The following BTC variants were observed in gnomAD, a reference collection of about 807,000 sequenced individuals.
BTC encodes the protein probetacellulin.
BTC carries 13 observed loss-of-function variants against 18.1 expected under a neutral mutation model. The ratio of observed to expected loss-of-function variants is 0.72; its 90% CI spans 0.47 to 1.14. The LOEUF is 1.14. Among genes scored for constraint, BTC ranks in the 50% most tolerant of loss-of-function variants. The pLI is 0.00. For missense variants in BTC, 247 were observed against 224.2 expected (o/e 1.10, Z -0.65); for synonymous variants, 83 against 79.4 (o/e 1.05, Z -0.24).
At chr4:74,759,379 T>A (rs1332109144) in intron 2 of BTC, among the ~76,000 whole-genome samples, 1 of 152,100 alleles carries the variant, frequency 6.6e-6, no homozygotes, top group Non-Finnish European at 1.5e-5. Flanking sequence ...CCTCCCACAT[T>A]ACCCTTTTCC....
At chr4:74,771,943 G>A (rs889988203) in intron 1 of BTC, among the ~76,000 whole-genome samples, 3 of 152,140 alleles carry the variant, frequency 2.0e-5, no homozygotes, top group Non-Finnish European at 4.4e-5. Context: ...TACATTGAAT[G>A]AATTCATGCA....
At chr4:74,774,830 C>CTT (rs1014604631) in intron 1 of BTC, among the ~76,000 whole-genome samples, 1 of 149,132 alleles carries the variant, frequency 6.7e-6, no homozygotes. Flanking sequence ...ACATAATCAT[C>CTT]TTTTTTTTTT....
rs1044057696 is a variant in BTC at position 74,746,440 on chromosome 4, T to C, written c.*237A>G. 1 of 152,642 alleles carries C rather than the reference T, an allele frequency of 6.6e-6. No homozygotes were observed. The highest frequency in any genetic ancestry group is 2.4e-5 in the African/African-American group (1 of 41,458). 9.5% of individuals were successfully genotyped at this position (152,642 alleles called of 1,614,324 possible). On this transcript the variant is annotated 3_prime_UTR_variant, in exon 6 of 6. Coordinates refer to ENST00000395743, the MANE Select transcript of BTC (RefSeq NM_001729.4). ...TACTTAAGTGAAAGGTTATTGAAAT[T>C]TCCCTTCTGTTGTTGCTACCTAACC...
At chr4:74,749,954 G>A (rs1469050907) in intron 4 of BTC, among the ~76,000 whole-genome samples, 1 of 147,500 alleles carries the variant, frequency 6.8e-6, no homozygotes, top group Non-Finnish European at 1.5e-5. Flanking sequence ...AAAAAAGCCT[G>A]GCTTGGTGGC....
chr4:74,753,399 A>T (rs782322954), intron 3 of BTC, among the ~76,000 whole-genome samples: 2 of 152,220 alleles, frequency 1.3e-5, no homozygotes, highest in Non-Finnish European at 2.9e-5. Flanking sequence ...TGGGGATTCA[A>T]ACAGGCAGTC....
intron 1 of BTC, among the ~76,000 whole-genome samples, chr4:74,777,263 A>G (rs1198548960): frequency 6.6e-6 from 1 of 152,188 alleles, no homozygotes; most frequent in African/African-American, 2.4e-5. Context: ...CATGGTAAAA[A>G]TGTAGCTGTG....
At chr4:74,762,622 G>A (rs1553957434) in intron 2 of BTC, among the ~76,000 whole-genome samples, 1 of 151,884 alleles carries the variant, frequency 6.6e-6, no homozygotes, top group Non-Finnish European at 1.5e-5. Context: ...AAGTGAAGAG[G>A]GAAGGAGAAT....
At chr4:74,759,781 A>G (rs1333021552) in intron 2 of BTC, among the ~76,000 whole-genome samples, 1 of 152,208 alleles carries the variant, frequency 6.6e-6, no homozygotes, top group Non-Finnish European at 1.5e-5. Context: ...CAATTAGACA[A>G]GAAGTAGTCA....
chr4:74,767,096 G>A (rs28807798), intron 2 of BTC, among the ~76,000 whole-genome samples: 40,440 of 146,528 alleles, frequency 0.28, 7,880 homozygotes, highest in African/African-American at 0.56. Flanking sequence ...AAATAAAATA[G>A]AAGGAATCTA....
In BTC at chr4:74,755,867, G is replaced by A. The variant is rs1553956625; in HGVS notation, c.273C>T (p.Pro91=). The A allele has an allele frequency of 6.2e-7, 1 of 1,614,024 alleles. No individual in the cohort carries two copies. The highest frequency in any genetic ancestry group is 1.1e-5 in the South Asian group (1 of 91,064). The part of the protein sequence containing the change: ...RCRFVVAEQT[P]SCVCDEGYIG... ...GAGGACACTCCACTTACACACAGGA[G>A]GGCGTCTGCTCGGCCACCACGAAGC... Residue 91 remains proline (P), a synonymous_variant, in exon 3 of 6, where the codon CCC becomes CCT. Transcript: ENST00000395743.
At chr4:74,785,750 A>C (rs182323249) in intron 1 of BTC, among the ~76,000 whole-genome samples, 1 of 152,340 alleles carries the variant, frequency 6.6e-6, no homozygotes, top group East Asian at 1.9e-4. Context: ...TCACTGTGGT[A>C]AATTTATCAG....
intron 4 of BTC, among the ~76,000 whole-genome samples, chr4:74,749,191 A>G (rs769774491): frequency 5.3e-5 from 8 of 152,168 alleles, no homozygotes; most frequent in South Asian, 2.1e-4. Flanking sequence ...GCACTTTGGG[A>G]TGCCGAGGTA....
chr4:74,771,183 A>T (rs1006073049), intron 1 of BTC, among the ~76,000 whole-genome samples: 1 of 152,034 alleles, frequency 6.6e-6, no homozygotes, highest in African/African-American at 2.4e-5. Flanking sequence ...AAAGAAGAGG[A>T]GGGAGGAAAG....
At chr4:74,786,103 G>A (rs951327360) in intron 1 of BTC, among the ~76,000 whole-genome samples, 6 of 152,152 alleles carry the variant, frequency 3.9e-5, no homozygotes, top group African/African-American at 1.4e-4. Flanking sequence ...ACCTGAATAC[G>A]TAGTAACATC....
At chr4:74,789,204 C>T (rs1440546053) in intron 1 of BTC, among the ~76,000 whole-genome samples, 1 of 152,198 alleles carries the variant, frequency 6.6e-6, no homozygotes, top group Non-Finnish European at 1.5e-5. Context: ...CAATTCAAAG[C>T]ACTTTTGAAA....
intron 1 of BTC, among the ~76,000 whole-genome samples, chr4:74,788,469 A>G (rs1358655756): frequency 6.6e-6 from 1 of 152,196 alleles, no homozygotes; most frequent in Admixed American, 6.5e-5. Flanking sequence ...GGATTGAACT[A>G]TTATACAATG....
chr4:74,783,907 G>A (rs556373004), intron 1 of BTC, among the ~76,000 whole-genome samples: 1 of 151,918 alleles, frequency 6.6e-6, no homozygotes, highest in South Asian at 2.1e-4. Flanking sequence ...TCCTGATTTG[G>A]CTCTTGGCTT....
chr4:74,794,037 C>T (rs1159360449), intron 1 of BTC, among the ~76,000 whole-genome samples: 5 of 152,178 alleles, frequency 3.3e-5, no homozygotes, highest in Non-Finnish European at 7.4e-5. Flanking sequence ...CGCCCTCGGG[C>T]CTTCTCACGC....
chr4:74,766,039 A>G (rs1397456598), intron 2 of BTC, among the ~76,000 whole-genome samples: 2 of 152,130 alleles, frequency 1.3e-5, no homozygotes, highest in Non-Finnish European at 1.5e-5. Context: ...ATAACATAAT[A>G]GTATTTTTAT....
Sources: gnomAD v4.1 joint callset for allele counts (sites outside exome capture counted in the v4.1 genomes callset) on GRCh38, gnomAD v4.1.1 for gene constraint, MANE v1.5 for transcripts, NCBI Gene and HGNC (gene_info 2026-07-23, HGNC 2026-07-21) for gene names.